Variants in CSMD1 observed in about 807,000 individuals in gnomAD.
CSMD1 encodes CUB and Sushi multiple domains 1.
CSMD1 carries 213 observed loss-of-function variants against 417.5 expected under a neutral mutation model. That is an observed-to-expected ratio of 0.51 (90% CI 0.46 to 0.57). The LOEUF (loss-of-function observed/expected upper bound fraction) is 0.57. Among genes scored for constraint, CSMD1 ranks in the 20% least tolerant of loss-of-function variants. The pLI is 0.00. For synonymous variants in CSMD1, 2,862 were observed against 1,736.8 expected (o/e 1.65, Z -16.11); for missense variants, 6,923 against 4,529.7 (o/e 1.53, Z -15.17).
At chr8:3,926,085 A>G in intron 5 of CSMD1, among the ~76,000 whole-genome samples, 1 of 8,818 alleles carries the variant, frequency 1.1e-4, no homozygotes, top group African/African-American at 7.5e-4. Flanking sequence ...AACACCATAC[A>G]CACACACACA....
chr8:3,818,370 A>G (rs909115603), intron 5 of CSMD1, among the ~76,000 whole-genome samples: 1 of 152,214 alleles, frequency 6.6e-6, no homozygotes, highest in Admixed American at 6.5e-5. Flanking sequence ...TAAGGTCTCC[A>G]AATGTTTACT....
chr8:4,332,722 T>C (rs1799944214), intron 3 of CSMD1, among the ~76,000 whole-genome samples: 1 of 151,988 alleles, frequency 6.6e-6, no homozygotes, highest in Non-Finnish European at 1.5e-5. Flanking sequence ...TAAGTACTTT[T>C]TCAGTGTGAG....
intron 23 of CSMD1, among the ~76,000 whole-genome samples, chr8:3,323,970 C>T (rs372172290): frequency 7.7e-6 from 1 of 129,942 alleles, no homozygotes; most frequent in Non-Finnish European, 1.6e-5. Context: ...CTTCACCCCA[C>T]CTTTCATCAT....
chr8:3,042,757 C>G (rs2128984596), intron 50 of CSMD1, among the ~76,000 whole-genome samples: 1 of 152,176 alleles, frequency 6.6e-6, no homozygotes, highest in South Asian at 2.1e-4. Context: ...AAAACAGTGC[C>G]TGGTGCTCAT....
chr8:4,023,566 T>G (rs988492069), intron 4 of CSMD1, among the ~76,000 whole-genome samples: 3 of 149,422 alleles, frequency 2.0e-5, no homozygotes, highest in South Asian at 4.3e-4. Context: ...AAAATATGAA[T>G]GCTTACTGCT....
intron 5 of CSMD1, among the ~76,000 whole-genome samples, chr8:3,917,274 T>G (rs1455444031): frequency 6.6e-6 from 1 of 152,136 alleles, no homozygotes; most frequent in East Asian, 1.9e-4. Context: ...ATGAACGAAC[T>G]GAAGTTCCTG....
At chr8:3,005,466 C>G (rs1273855802) in intron 52 of CSMD1, among the ~76,000 whole-genome samples, 1 of 151,882 alleles carries the variant, frequency 6.6e-6, no homozygotes, top group African/African-American at 2.4e-5. Flanking sequence ...AGAAACACAA[C>G]CAAAAAAGAG....
chr8:3,427,509 A>C (rs1813929151), intron 12 of CSMD1, among the ~76,000 whole-genome samples: 1 of 152,204 alleles, frequency 6.6e-6, no homozygotes, highest in South Asian at 2.1e-4. Flanking sequence ...GAAAATATTT[A>C]ATAAGGATGA....
intron 26 of CSMD1, among the ~76,000 whole-genome samples, chr8:3,258,276 T>G (rs1050947484): frequency 2.6e-5 from 4 of 152,108 alleles, no homozygotes; most frequent in African/African-American, 9.7e-5. Context: ...CATTAAAACA[T>G]GGACAAAGGA....
At chr8:3,199,006 G>C (rs1490339963) in intron 33 of CSMD1, among the ~76,000 whole-genome samples, 1 of 152,152 alleles carries the variant, frequency 6.6e-6, no homozygotes, top group Non-Finnish European at 1.5e-5. Context: ...GTCATGACAA[G>C]CTCCACGCAA....
At chr8:4,647,864 C>T (rs1304526630) in intron 1 of CSMD1, among the ~76,000 whole-genome samples, 1 of 152,198 alleles carries the variant, frequency 6.6e-6, no homozygotes, top group Non-Finnish European at 1.5e-5. Flanking sequence ...GTAAATAGTA[C>T]TGCAGTAGAC....
At chr8:4,588,019 C>G (rs1799790106) in intron 2 of CSMD1, among the ~76,000 whole-genome samples, 1 of 152,046 alleles carries the variant, frequency 6.6e-6, no homozygotes, top group Non-Finnish European at 1.5e-5. Context: ...ACCATTTAAG[C>G]AAGCATAGGA....
At chr8:3,092,595 C>A (rs1815018323) in intron 47 of CSMD1, among the ~76,000 whole-genome samples, 1 of 152,114 alleles carries the variant, frequency 6.6e-6, no homozygotes, top group Non-Finnish European at 1.5e-5. Context: ...AAATTCATAT[C>A]TAGTTTTTTC....
intron 2 of CSMD1, among the ~76,000 whole-genome samples, chr8:4,447,391 T>C: frequency 6.6e-6 from 1 of 152,160 alleles, no homozygotes; most frequent in East Asian, 1.9e-4. Context: ...GCTCCTTGAA[T>C]GATTGGGAAA....
chr8:3,502,237 C>T (rs7000061), intron 10 of CSMD1, among the ~76,000 whole-genome samples: 3,156 of 151,428 alleles, frequency 0.021, 79 homozygotes, highest in African/African-American at 0.055. Context: ...TGGTGGTGGG[C>T]GCCTGTAGTC....
intron 7 of CSMD1, among the ~76,000 whole-genome samples, chr8:3,623,552 T>C (rs867849755): frequency 1.1e-4 from 16 of 152,222 alleles, no homozygotes; most frequent in African/African-American, 3.9e-4. Context: ...AAAATTAAGC[T>C]TATGTGTTTG....
intron 1 of CSMD1, among the ~76,000 whole-genome samples, chr8:4,746,074 C>T (rs987933803): frequency 2.0e-5 from 3 of 152,152 alleles, no homozygotes; most frequent in Non-Finnish European, 2.9e-5. Context: ...ACTGTCAGCC[C>T]CTCACATCAG....
At chr8:3,980,578 G>A (rs1329316090) in intron 5 of CSMD1, among the ~76,000 whole-genome samples, 5 of 152,078 alleles carry the variant, frequency 3.3e-5, no homozygotes, top group Admixed American at 3.3e-4. Flanking sequence ...AGTGAAAATA[G>A]TTTCCCCCCT....
intron 21 of CSMD1, among the ~76,000 whole-genome samples, chr8:3,355,961 T>C (rs1808755245): frequency 6.6e-6 from 1 of 152,164 alleles, no homozygotes; most frequent in African/African-American, 2.4e-5. Flanking sequence ...CCTAAATGCA[T>C]CATCAGGTTG....
Sources: gnomAD v4.1 joint callset for allele counts (sites outside exome capture counted in the v4.1 genomes callset) on GRCh38, gnomAD v4.1.1 for gene constraint, MANE v1.5 for transcripts, NCBI Gene and HGNC (gene_info 2026-07-23, HGNC 2026-07-21) for gene names.